ZC4H2: variants seen among roughly 807,000 people sequenced by gnomAD.
ZC4H2 encodes the protein zinc finger C4H2 domain-containing protein.
For missense variants in ZC4H2, 137 were observed against 173.9 expected, an observed-to-expected ratio of 0.79 and a Z score of 1.19; for synonymous variants, 84 against 66.3, an observed-to-expected ratio of 1.27 and a Z score of -1.30.
At chrX:64,933,834 C>T (rs1313058257) in intron 1 of ZC4H2, among the ~76,000 whole-genome samples, 2 of 111,390 alleles carry the variant, frequency 1.8e-5, no homozygotes, top group Non-Finnish European at 3.8e-5. Context: ...ATGATTCAGG[C>T]TTCAGGTCAA....
chrX:64,932,803 C>A (rs905721250), intron 1 of ZC4H2, among the ~76,000 whole-genome samples: 1 of 110,554 alleles, frequency 9.0e-6, no homozygotes, highest in African/African-American at 3.3e-5. Context: ...TTTTTTTAAT[C>A]TTGACTTTAG....
intron 1 of ZC4H2, among the ~76,000 whole-genome samples, chrX:64,953,044 G>C (rs868751203): frequency 1.3e-4 from 15 of 111,559 alleles, no homozygotes; most frequent in Non-Finnish European, 2.6e-4. Flanking sequence ...TGATCTTTGA[G>C]AAACCTGACA....
chrX:64,934,116 G>A (rs1327793344), intron 1 of ZC4H2, among the ~76,000 whole-genome samples: 1 of 112,031 alleles, frequency 8.9e-6, no homozygotes, highest in African/African-American at 3.2e-5. Context: ...AGAGAGACCT[G>A]GGAGAGAAGA....
chrX:64,986,600 C>T, intron 1 of ZC4H2, among the ~76,000 whole-genome samples: 1 of 111,653 alleles, frequency 9.0e-6, no homozygotes, highest in Non-Finnish European at 1.9e-5. Context: ...CAAGGCAGTC[C>T]ATGTTTTGAA....
intron 1 of ZC4H2, among the ~76,000 whole-genome samples, chrX:64,953,158 AC>A (rs943307100): frequency 8.9e-6 from 1 of 112,324 alleles, no homozygotes; most frequent in African/African-American, 3.2e-5. Flanking sequence ...TACACCTTAT[AC>A]AAAAATTAAT....
intron 1 of ZC4H2, among the ~76,000 whole-genome samples, chrX:64,955,845 A>T (rs1213401231): frequency 8.9e-6 from 1 of 112,143 alleles, no homozygotes; most frequent in African/African-American, 3.2e-5. Flanking sequence ...CGAAGGCTCA[A>T]TGTAGACAAG....
chrX:65,003,261 T>G (rs1202060747), intron 1 of ZC4H2, among the ~76,000 whole-genome samples: 1 of 111,304 alleles, frequency 9.0e-6, no homozygotes, highest in Non-Finnish European at 1.9e-5. Context: ...TGTACCAGAT[T>G]CTCTAGGACA....
intron 1 of ZC4H2, among the ~76,000 whole-genome samples, chrX:64,947,818 C>T (rs1464995486): frequency 5.4e-5 from 6 of 110,339 alleles, no homozygotes; most frequent in African/African-American, 2.0e-4. Context: ...TTCTGTACCT[C>T]ACTTCCAATT....
At chrX:64,951,956 C>T (rs1345283103) in intron 1 of ZC4H2, among the ~76,000 whole-genome samples, 2 of 111,369 alleles carry the variant, frequency 1.8e-5, no homozygotes, top group African/African-American at 6.6e-5. Flanking sequence ...AGTCTTTAAT[C>T]CATCTTGAAT....
intron 1 of ZC4H2, among the ~76,000 whole-genome samples, chrX:64,949,394 T>C (rs1930684695): frequency 8.9e-6 from 1 of 111,773 alleles, no homozygotes; most frequent in Non-Finnish European, 1.9e-5. Flanking sequence ...TGACTTACAG[T>C]ACCTAGAATT....
chrX:64,937,015 A>G (rs963411882), intron 1 of ZC4H2, among the ~76,000 whole-genome samples: 1 of 110,919 alleles, frequency 9.0e-6, no homozygotes, highest in African/African-American at 3.3e-5. Context: ...TGCTGTATTC[A>G]GGGGACCCAT....
exon 1 of ZC4H2, chrX:65,034,634 C>G: frequency 8.9e-6 from 1 of 112,149 alleles, no homozygotes; most frequent in Middle Eastern, 4.6e-3. Flanking sequence ...CTTACCTTCA[C>G]GTCGCTCCTT....
intron 1 of ZC4H2, among the ~76,000 whole-genome samples, chrX:64,936,345 C>A (rs1466847526): frequency 9.0e-6 from 1 of 111,515 alleles, no homozygotes; most frequent in Non-Finnish European, 1.9e-5. Context: ...AGGGAAAACA[C>A]TCTTCAGGAT....
intron 1 of ZC4H2, among the ~76,000 whole-genome samples, chrX:64,963,023 G>A (rs1931457388): frequency 9.1e-6 from 1 of 109,836 alleles, no homozygotes; most frequent in Admixed American, 9.7e-5. Flanking sequence ...CTTATCCCCT[G>A]ATTTTATAAT....
At chrX:64,940,435 T>A (rs1388180111) in intron 1 of ZC4H2, among the ~76,000 whole-genome samples, 3 of 111,991 alleles carry the variant, frequency 2.7e-5, no homozygotes, top group Non-Finnish European at 5.6e-5. Context: ...CAATTTTGCT[T>A]TCATTGCAAT....
intron 1 of ZC4H2, among the ~76,000 whole-genome samples, chrX:64,928,632 C>CCTCCTT (rs1457350435): frequency 4.8e-5 from 4 of 83,338 alleles, no homozygotes; most frequent in African/African-American, 2.0e-4. Flanking sequence ...CCTGCTTTCT[C>CCTCCTT]CTTCTTCTTC....
At chrX:65,011,701 CTT>C (rs773822937) in intron 1 of ZC4H2, among the ~76,000 whole-genome samples, 13 of 104,368 alleles carry the variant, frequency 1.2e-4, no homozygotes, top group Non-Finnish European at 2.4e-4. Flanking sequence ...AGTATGCCAT[CTT>C]TTTTTTTTGT....
At chrX:64,950,369 C>T (rs1427953756) in intron 1 of ZC4H2, among the ~76,000 whole-genome samples, 7 of 111,231 alleles carry the variant, frequency 6.3e-5, no homozygotes, top group East Asian at 5.6e-4. Flanking sequence ...TAGGTCTGCT[C>T]GGTGCAGAGA....
chrX:64,917,488 A>G lies in ZC4H2; in HGVS notation c.*295T>C. 1 of 243,949 alleles carries G rather than the reference A, an allele frequency of 4.1e-6. No individual in the cohort carries two copies. The highest frequency in any genetic ancestry group is 7.4e-6 in the Non-Finnish European group (1 of 135,754). The allele number at this position is 243,949 out of a possible 1,213,427, so 20.1% of individuals were successfully genotyped here. A position where few individuals can be genotyped will look rare whatever the true frequency, so the allele number is the denominator to read the frequency against. On this transcript the variant is annotated 3_prime_UTR_variant, in exon 5 of 5. Transcript: ENST00000374839. ...CCTCAGGCACAAGAGATAGAGAATC[A>G]TATCTGAGCCTTTTGCCCTTCCCTT...
Sources: gnomAD v4.1 joint callset for allele counts (sites outside exome capture counted in the v4.1 genomes callset) on GRCh38, gnomAD v4.1.1 for gene constraint, MANE v1.5 for transcripts, NCBI Gene and HGNC (gene_info 2026-07-23, HGNC 2026-07-21) for gene names.